The following USP34 variants were observed in gnomAD, a reference collection of about 807,000 sequenced individuals.
USP34 encodes ubiquitin specific peptidase 34, also known as ubiquitin carboxyl-terminal hydrolase 34.
USP34 carries 70 observed loss-of-function variants against 460.3 expected under a neutral mutation model. The observed-to-expected ratio is 0.15, with a 90% CI of 0.13 to 0.19. USP34 has a LOEUF of 0.19. Among genes scored for constraint, USP34 ranks in the 10% least tolerant of loss-of-function variants. USP34 has a pLI of 1.00. For missense variants in USP34, 3,985 were observed against 4,236.2 expected (o/e 0.94, Z 1.65); for synonymous variants, 1,647 against 1,405.3 (o/e 1.17, Z -3.85).
intron 5 of USP34, among the ~76,000 whole-genome samples, chr2:61,394,533 CAAAAAAA>C (rs200686763): frequency 8.2e-5 from 9 of 110,062 alleles, no homozygotes; most frequent in African/African-American, 1.5e-4. Context: ...CCCTCTCTCT[CAAAAAAA>C]AAAAAAAAAA....
chr2:61,395,893 T>A (rs1693508057), intron 3 of USP34, among the ~76,000 whole-genome samples: 1 of 151,376 alleles, frequency 6.6e-6, no homozygotes, highest in African/African-American at 2.4e-5. Flanking sequence ...TGGTAAAACC[T>A]TGTCTCTACG....
intron 30 of USP34, among the ~76,000 whole-genome samples, chr2:61,295,646 A>G (rs1051853919): frequency 6.6e-5 from 10 of 152,248 alleles, no homozygotes; most frequent in Non-Finnish European, 1.5e-4. Flanking sequence ...AGTTACAACT[A>G]TATATTTAAA....
At chr2:61,415,785 TTC>T (rs1341106905) in intron 2 of USP34, among the ~76,000 whole-genome samples, 3 of 152,220 alleles carry the variant, frequency 2.0e-5, no homozygotes, top group Non-Finnish European at 4.4e-5. Context: ...TCTTATTTTC[TTC>T]TCAGTTTTAC....
intron 2 of USP34, 82 bp downstream of exon 2, chr2:61,420,663 TA>T: frequency 1.0e-6 from 1 of 997,088 alleles, no homozygotes; most frequent in Non-Finnish European, 1.5e-6. Flanking sequence ...CCCAACACCC[TA>T]AAAAGAAAAT....
At position 61,192,826 on chromosome 2, in the gene USP34, C is replaced by T. The variant is rs1686681897; in HGVS notation, c.9588+75G>A. On this transcript the variant is annotated intron_variant, in intron 76 of 79. Transcript: ENST00000398571. ...CCCCACTTTTCAGCAAGTCTTCAAC[C>T]CACTGTTCCTAAAATTATTGACCAC... 28 of 1,269,672 alleles carry T rather than the reference C, an allele frequency of 2.2e-5. No individual in the cohort carries two copies. In the South Asian group the frequency reaches 3.5e-4, roughly 16 times the overall value. The allele number at this position is 1,269,672 out of a possible 1,614,324, so 78.7% of individuals were successfully genotyped here.
chr2:61,248,451 C>G (rs1405406324), intron 49 of USP34, 60 bp downstream of exon 49: 1 of 1,465,512 alleles, frequency 6.8e-7, no homozygotes, highest in Non-Finnish European at 9.1e-7. Context: ...TATAATTATG[C>G]CTACCTTGTT....
intron 1 of USP34, among the ~76,000 whole-genome samples, chr2:61,448,737 C>A (rs1355724702): frequency 6.6e-6 from 1 of 152,168 alleles, no homozygotes; most frequent in African/African-American, 2.4e-5. Context: ...GGTACCAAAT[C>A]AACCATATTT....
intron 12 of USP34, 116 bp downstream of exon 12, chr2:61,350,144 A>G: frequency 8.6e-7 from 1 of 1,164,470 alleles, no homozygotes; most frequent in Non-Finnish European, 1.2e-6. Flanking sequence ...GCACTCTTCT[A>G]CCCATCCCAC....
intron 20 of USP34, among the ~76,000 whole-genome samples, chr2:61,328,159 G>A (rs570129877): frequency 1.6e-4 from 24 of 151,852 alleles, no homozygotes; most frequent in Non-Finnish European, 3.4e-4. Context: ...AAAACGAGCC[G>A]GGTGCAGTGG....
At chr2:61,378,556 G>C in intron 7 of USP34, 132 bp from the exon 8 acceptor site, 1 of 532,564 alleles carries the variant, frequency 1.9e-6, no homozygotes, top group Non-Finnish European at 3.3e-6. Flanking sequence ...TAAAATCTAA[G>C]ACATAATCAG....
chr2:61,392,670 T>C (rs769405258), intron 5 of USP34, among the ~76,000 whole-genome samples: 3 of 152,156 alleles, frequency 2.0e-5, no homozygotes, highest in Non-Finnish European at 2.9e-5. Context: ...AAACGATAAC[T>C]TTTAAAGATA....
In USP34 at chr2:61,377,995, A is replaced by C. The variant is rs537071310; in HGVS notation, c.1076+368T>G. ...CAAGACTAGACTGAGCAACATGGCA[A>C]AACTCTGCCTCTGCAAATATCACAA... On this transcript the variant is annotated intron_variant, in intron 8 of 79. Transcript: ENST00000398571. 2.6e-5 allele frequency among the ~76,000 whole-genome samples: 4 copies of C among 152,198 alleles called. No individual in the cohort carries two copies. In the South Asian group the frequency reaches 8.3e-4, roughly 32 times the overall value.
At chr2:61,461,363 A>C (rs1695594902) in intron 1 of USP34, among the ~76,000 whole-genome samples, 1 of 151,816 alleles carries the variant, frequency 6.6e-6, no homozygotes, top group South Asian at 2.1e-4. Flanking sequence ...ATTGCACTCC[A>C]CCCTAGTGAA....
chr2:61,436,994 A>C (rs1362393458), intron 1 of USP34, among the ~76,000 whole-genome samples: 1 of 152,246 alleles, frequency 6.6e-6, no homozygotes, highest in Non-Finnish European at 1.5e-5. Context: ...CTTGAAACAA[A>C]TGAAAATGCA....
chr2:61,238,536 G>A (rs1180739273), intron 53 of USP34, among the ~76,000 whole-genome samples: 3 of 152,028 alleles, frequency 2.0e-5, no homozygotes, highest in African/African-American at 4.8e-5. Context: ...TCTCTTTTAT[G>A]CTTCTAAAAT....
intron 1 of USP34, among the ~76,000 whole-genome samples, chr2:61,465,744 G>A (rs373669147): frequency 2.2e-4 from 33 of 151,786 alleles, no homozygotes; most frequent in South Asian, 6.2e-4. Context: ...TTGGGAGGCC[G>A]AGGCAGGTGG....
In USP34 at chr2:61,285,095, C is replaced by A. The variant is rs1343988816; in HGVS notation, c.4750-138G>T. 16 of 600,806 alleles carry A rather than the reference C, an allele frequency of 2.7e-5. No individual in the cohort carries two copies. In the South Asian group the frequency reaches 4.1e-4, roughly 15 times the overall value. 37.2% of individuals were successfully genotyped at this position (600,806 alleles called of 1,614,324 possible). ...AATTCCAAATTATTTTGATATTTAT[C>A]TATAACACAATAAAGAATGTCGTAA... On this transcript the variant is annotated intron_variant, in intron 34 of 79. Coordinates refer to ENST00000398571, the MANE Select transcript of USP34 (RefSeq NM_014709.4).
At chr2:61,316,135 G>C (rs923581525) in intron 23 of USP34, among the ~76,000 whole-genome samples, 1 of 152,106 alleles carries the variant, frequency 6.6e-6, no homozygotes, top group Admixed American at 6.5e-5. Context: ...GAACCTGGGA[G>C]GCGGAGGTTG....
chr2:61,395,943 A>G (rs1693510169), intron 3 of USP34, among the ~76,000 whole-genome samples: 1 of 151,426 alleles, frequency 6.6e-6, no homozygotes, highest in African/African-American at 2.4e-5. Flanking sequence ...GGGCACTTGT[A>G]ATACTCAGGA....
Sources: gnomAD v4.1 joint callset for allele counts (sites outside exome capture counted in the v4.1 genomes callset) on GRCh38, gnomAD v4.1.1 for gene constraint, MANE v1.5 for transcripts, NCBI Gene and HGNC (gene_info 2026-07-23, HGNC 2026-07-21) for gene names.